RBMS3: variants seen among roughly 807,000 people sequenced by gnomAD.
RBMS3 encodes the protein RNA binding motif single stranded interacting protein 3.
A neutral mutation model predicts 66.8 loss-of-function variants in RBMS3; 27 were observed. The ratio of observed to expected loss-of-function variants is 0.40; its 90% CI spans 0.30 to 0.56. RBMS3 has a LOEUF of 0.56. RBMS3 is among the 20% of genes least tolerant of loss of function. The probability of loss-of-function intolerance (pLI) is 0.40; values close to 1 mark genes in which losing one functional copy is unlikely to be tolerated. For synonymous variants in RBMS3, 188 were observed against 183.0 expected (o/e 1.03, Z -0.22); for missense variants, 513 against 549.5 (o/e 0.93, Z 0.66).
At chr3:29,308,973 A>G (rs1361947911) in intron 1 of RBMS3, among the ~76,000 whole-genome samples, 1 of 151,728 alleles carries the variant, frequency 6.6e-6, no homozygotes, top group African/African-American at 2.4e-5. Flanking sequence ...ATTGGTTAAG[A>G]CAGTAGAGCT....
At chr3:29,438,511 T>G (rs1452639575) in intron 2 of RBMS3, among the ~76,000 whole-genome samples, 1 of 152,122 alleles carries the variant, frequency 6.6e-6, no homozygotes, top group Non-Finnish European at 1.5e-5. Context: ...AGGAATTCTA[T>G]TCACATTCAT....
chr3:29,455,550 A>G (rs375705605), intron 2 of RBMS3, among the ~76,000 whole-genome samples: 3 of 152,162 alleles, frequency 2.0e-5, no homozygotes, highest in Admixed American at 2.0e-4. Flanking sequence ...ACTGTTTTGC[A>G]TGTTTCTGTT....
At chr3:29,568,404 T>A (rs1002687620) in intron 3 of RBMS3, among the ~76,000 whole-genome samples, 10 of 152,214 alleles carry the variant, frequency 6.6e-5, no homozygotes, top group Admixed American at 5.2e-4. Flanking sequence ...AAGAAAGGAA[T>A]ACATTTGTCT....
intron 6 of RBMS3, among the ~76,000 whole-genome samples, chr3:29,801,871 A>G (rs1050714442): frequency 1.3e-5 from 2 of 152,142 alleles, no homozygotes; most frequent in Non-Finnish European, 2.9e-5. Flanking sequence ...TTCCTCATCC[A>G]TAAAATCAGG....
At position 30,009,071 on chromosome 3, in the gene RBMS3, C is replaced by T. The variant is rs1699884705; in HGVS notation, c.*5209C>T. On this transcript the variant is annotated 3_prime_UTR_variant, in exon 15 of 15. Transcript: ENST00000383767. ...AATATATCAAGAAAATTTTCTTCCACTTAGAAAGCTTTAAAGCTGAAGTAG... is the reference window on the plus strand; with the variant it reads ...AATATATCAAGAAAATTTTCTTCCATTTAGAAAGCTTTAAAGCTGAAGTAG... The T allele has an allele frequency of 6.6e-6, 1 of 152,124 alleles. No homozygotes were observed. The highest frequency in any genetic ancestry group is 6.5e-5 in the Admixed American group (1 of 15,272). The allele number at this position is 152,124 out of a possible 1,614,324, so 9.4% of individuals were successfully genotyped here. A position where few individuals can be genotyped will look rare whatever the true frequency, so the allele number is the denominator to read the frequency against.
chr3:29,926,473 A>G (rs1287937859), intron 10 of RBMS3, among the ~76,000 whole-genome samples: 1 of 152,182 alleles, frequency 6.6e-6, no homozygotes, highest in Non-Finnish European at 1.5e-5. Context: ...ACTATAAACA[A>G]TGGCCATAAG....
At chr3:29,364,321 G>T (rs1393597665) in intron 1 of RBMS3, among the ~76,000 whole-genome samples, 1 of 152,118 alleles carries the variant, frequency 6.6e-6, no homozygotes, top group African/African-American at 2.4e-5. Context: ...TTCAGGGAAG[G>T]GTGATAAAGG....
intron 6 of RBMS3, among the ~76,000 whole-genome samples, chr3:29,862,700 T>A: frequency 6.6e-6 from 1 of 151,742 alleles, no homozygotes. Context: ...TGAAATTAGC[T>A]AAGTGTGGCG....
intron 10 of RBMS3, among the ~76,000 whole-genome samples, chr3:29,924,463 T>C (rs2060877476): frequency 6.6e-6 from 1 of 152,020 alleles, no homozygotes; most frequent in Admixed American, 6.6e-5. Context: ...GAAGAGAGTA[T>C]TAAAAAATAA....
At position 29,477,580 on chromosome 3, in the gene RBMS3, TTATCAC is replaced by T. The variant is rs1215000210; in HGVS notation, c.249-10859_249-10854del. 2.0e-5 allele frequency among the ~76,000 whole-genome samples: 3 copies of T among 152,210 alleles called. No individual in the cohort carries two copies. In the East Asian group the frequency reaches 5.8e-4, roughly 29 times the overall value. On this transcript the variant is annotated intron_variant, in intron 2 of 14. Coordinates refer to ENST00000383767, the MANE Select transcript of RBMS3 (RefSeq NM_001003793.3). ...TACAGTACTAATAAAATACAGCATT[TTATCAC>T]TGATACAATTAATGATCCAATTGCC...
chr3:29,848,750 C>A (rs901427934), intron 6 of RBMS3, among the ~76,000 whole-genome samples: 1 of 152,108 alleles, frequency 6.6e-6, no homozygotes, highest in Non-Finnish European at 1.5e-5. Flanking sequence ...GTGAAAGCAA[C>A]CATCCAGGGA....
At chr3:29,469,515 C>G (rs761665788) in intron 2 of RBMS3, among the ~76,000 whole-genome samples, 1 of 151,762 alleles carries the variant, frequency 6.6e-6, no homozygotes, top group Admixed American at 6.6e-5. Flanking sequence ...TAATGGGACT[C>G]TATAAACCAT....
intron 4 of RBMS3, among the ~76,000 whole-genome samples, chr3:29,733,707 G>A (rs1454586642): frequency 6.6e-6 from 1 of 152,070 alleles, no homozygotes; most frequent in Non-Finnish European, 1.5e-5. Flanking sequence ...CCATTCTGCA[G>A]GTTGTCTCCT....
chr3:29,687,826 T>C (rs1036521465), intron 4 of RBMS3, among the ~76,000 whole-genome samples: 1 of 152,202 alleles, frequency 6.6e-6, no homozygotes, highest in Non-Finnish European at 1.5e-5. Context: ...AATAAAATAA[T>C]ATCCTACCTA....
chr3:29,537,550 C>G (rs527368401), intron 3 of RBMS3: 1 of 152,206 alleles, frequency 6.6e-6, no homozygotes, highest in African/African-American at 2.4e-5. Flanking sequence ...TTTGGTCGGG[C>G]GCGGTGGCTC....
chr3:29,888,566 C>T lies in RBMS3; in HGVS notation c.791+4358C>T, dbSNP rs187183899. 2.6e-4 allele frequency among the ~76,000 whole-genome samples: 39 copies of T among 151,742 alleles called. No homozygotes were observed. The East Asian group carries it at 7.6e-3, about 30-fold the overall frequency. Reference sequence around the variant, plus strand: ...CTCTTGCTTTCTGGAAAGTAAGACTCCCAAGTCTATACTTCAAGTGTGTAA... The same window carrying T: ...CTCTTGCTTTCTGGAAAGTAAGACTTCCAAGTCTATACTTCAAGTGTGTAA... On this transcript the variant is annotated intron_variant, in intron 8 of 14. Coordinates refer to ENST00000383767, the MANE Select transcript of RBMS3 (RefSeq NM_001003793.3).
chr3:29,622,204 A>G (rs955585900), intron 4 of RBMS3, among the ~76,000 whole-genome samples: 18 of 152,344 alleles, frequency 1.2e-4, no homozygotes, highest in African/African-American at 4.1e-4. Context: ...AAGGCATAAA[A>G]TGTTCCTGCC....
chr3:29,988,308 C>G (rs1037608836), intron 13 of RBMS3, 85 bp downstream of exon 13: 2 of 1,129,316 alleles, frequency 1.8e-6, no homozygotes, highest in Non-Finnish European at 2.6e-6. Context: ...CATAGGAATC[C>G]TCACTTGCAA....
intron 1 of RBMS3, among the ~76,000 whole-genome samples, chr3:29,299,891 C>T (rs1196529813): frequency 6.6e-6 from 1 of 151,536 alleles, no homozygotes; most frequent in Admixed American, 6.6e-5. Flanking sequence ...ACATAAAAAG[C>T]TAACAAATAG....
Sources: allele counts gnomAD v4.1 joint callset (sites outside exome capture counted in the v4.1 genomes callset), GRCh38; gene constraint gnomAD v4.1.1; transcripts MANE v1.5; gene names NCBI Gene and HGNC (gene_info 2026-07-23, HGNC 2026-07-21).